BUB3: variants seen among roughly 807,000 people sequenced by gnomAD.
The protein encoded by BUB3 is mitotic checkpoint protein BUB3.
In BUB3, 22 loss-of-function variants were observed where a neutral mutation model predicts 39.9. The ratio of observed to expected loss-of-function variants is 0.55; its 90% confidence interval spans 0.39 to 0.79. The LOEUF (loss-of-function observed/expected upper bound fraction) is 0.79, where lower values mean the gene tolerates loss of function less well. BUB3 is among the 30% of genes least tolerant of loss of function. The pLI, the probability that BUB3 is intolerant of heterozygous loss-of-function variation, is 0.00. For synonymous variants in BUB3, 168 were observed against 155.1 expected (o/e 1.08, Z -0.62); for missense variants, 303 against 415.4 (o/e 0.73, Z 2.35).
In BUB3 at chr10:123,166,617, T is replaced by C; in HGVS notation, c.*2782T>C. The C allele has an allele frequency of 6.6e-6, 1 of 152,244 alleles. No individual in the cohort carries two copies. Among genetic ancestry groups the C allele is most frequent in the Non-Finnish European group, 1.5e-5 (1 of 68,040 alleles). The allele number at this position is 152,244 out of a possible 1,614,324, so 9.4% of individuals were successfully genotyped here. ...ATGTATTCTGATGTCATACTTGGAA[T>C]CCTCCACTGCTTCCTGTTGCTCATA... On this transcript the variant is annotated 3_prime_UTR_variant, in exon 8 of 8. Transcript: ENST00000368865.
rs549543007 is a variant in BUB3 at position 123,164,839 on chromosome 10, T to C, written c.*1004T>C. 3 of 1,353,490 alleles carry C rather than the reference T, an allele frequency of 2.2e-6. No homozygotes were observed. The highest frequency in any genetic ancestry group is 2.8e-6 in the Non-Finnish European group (3 of 1,055,146). The allele number at this position is 1,353,490 out of a possible 1,614,324, so 83.8% of individuals were successfully genotyped here. Reference sequence around the variant, plus strand: ...CTATTCTAGGTAGTTCCAAATAGTATTTTTGTTGTCAAACTTTAAAATTTA... The same window carrying C: ...CTATTCTAGGTAGTTCCAAATAGTACTTTTGTTGTCAAACTTTAAAATTTA... On this transcript the variant is annotated 3_prime_UTR_variant, in exon 8 of 8. Transcript: ENST00000368865.
chr10:123,155,763 G>A (rs756819716), intron 3 of BUB3, 36 bp downstream of exon 3: 1 of 1,589,876 alleles, frequency 6.3e-7, no homozygotes, highest in South Asian at 1.1e-5. Context: ...TTGTTTTCTT[G>A]GCTAGTGTTC....
Position 123,155,743 on chromosome 10 carries a change from C to T in BUB3, c.265+16C>T. On this transcript the variant is annotated intron_variant, in intron 3 of 7. Transcript: ENST00000368865. Reference sequence around the variant, plus strand: ...ACTGATCAAGGTAATGTGACCATATCTTTACCAGTTTGTTTTCTTGGCTAG... The same window carrying T: ...ACTGATCAAGGTAATGTGACCATATTTTTACCAGTTTGTTTTCTTGGCTAG... 6.2e-7 allele frequency: 1 copy of T among 1,611,284 alleles called. No individual in the cohort carries two copies. The highest frequency in any genetic ancestry group is 1.1e-5 in the South Asian group (1 of 91,020).
intron 7 of BUB3, 75 bp from the exon 8 acceptor site, chr10:123,163,745 C>G: frequency 7.4e-7 from 1 of 1,350,634 alleles, no homozygotes; most frequent in Non-Finnish European, 1.0e-6. Flanking sequence ...TGCATTTAAT[C>G]TGTCACTTTT....
intron 4 of BUB3, among the ~76,000 whole-genome samples, chr10:123,158,183 G>A (rs1844374513): frequency 6.6e-6 from 1 of 152,192 alleles, no homozygotes; most frequent in African/African-American, 2.4e-5. Flanking sequence ...TCATTTAGCA[G>A]ACTGTTCGAT....
Position 123,165,158 on chromosome 10 carries a change from G to T in BUB3, c.*1323G>T. On this transcript the variant is annotated 3_prime_UTR_variant, in exon 8 of 8. Coordinates refer to ENST00000368865, the MANE Select transcript of BUB3 (RefSeq NM_004725.4). ...TGTTAGAGTTACTGTGGATTTCTCTGTTTTCTGTCTTACAAGAAACTTGTC... is the reference window on the plus strand; with the variant it reads ...TGTTAGAGTTACTGTGGATTTCTCTTTTTTCTGTCTTACAAGAAACTTGTC... 7.1e-7 allele frequency: 1 copy of T among 1,403,324 alleles called. No homozygotes were observed. The highest frequency in any genetic ancestry group is 1.8e-5 in the Admixed American group (1 of 55,316). The allele number at this position is 1,403,324 out of a possible 1,614,324, so 86.9% of individuals were successfully genotyped here. A position where few individuals can be genotyped will look rare whatever the true frequency, so the allele number is the denominator to read the frequency against.
Position 123,164,800 on chromosome 10 carries a change from G to A in BUB3, c.*965G>A, listed in dbSNP as rs570294326. The A allele has an allele frequency of 1.1e-5, 14 of 1,255,378 alleles. No individual in the cohort carries two copies. The highest frequency in any genetic ancestry group is 1.4e-5 in the Non-Finnish European group (14 of 998,162). The allele number at this position is 1,255,378 out of a possible 1,614,324, so 77.8% of individuals were successfully genotyped here. On this transcript the variant is annotated 3_prime_UTR_variant, in exon 8 of 8. Transcript: ENST00000368865. ...AATGTAATGCACTAAAGCAGAACAC[G>A]AACTTAGCTTGGCCTATTCTAGGTA...
chr10:123,160,075 A>T (rs1298563846), intron 4 of BUB3, among the ~76,000 whole-genome samples: 1 of 152,108 alleles, frequency 6.6e-6, no homozygotes, highest in Non-Finnish European at 1.5e-5. Context: ...TTACACTTTT[A>T]TGTTGTCTCT....
intron 5 of BUB3, among the ~76,000 whole-genome samples, chr10:123,160,803 A>G (rs1844411915): frequency 6.6e-6 from 1 of 152,144 alleles, no homozygotes; most frequent in Non-Finnish European, 1.5e-5. Context: ...CTGCTCAGGA[A>G]GTGGTTTGAA....
At chr10:123,160,810 T>G (rs985885918) in intron 5 of BUB3, among the ~76,000 whole-genome samples, 3 of 152,158 alleles carry the variant, frequency 2.0e-5, no homozygotes, top group Non-Finnish European at 4.4e-5. Context: ...GGAAGTGGTT[T>G]GAATAGAGGA....
rs539653109 is a variant in BUB3, at chr10:123,156,321, G to A, written c.265+594G>A. Among the ~76,000 whole-genome samples, 4 of 152,264 alleles carry A rather than the reference G, an allele frequency of 2.6e-5. No homozygotes were observed. The South Asian group carries it at 8.3e-4, about 32-fold the overall frequency. ...GACATTGGCACAGTGTTAGAGATTG[G>A]ACTGGAGCCCAAATGCATAGAGCTC... is the stretch of plus-strand genomic sequence containing the variant. On this transcript the variant is annotated intron_variant, in intron 3 of 7. Coordinates refer to ENST00000368865, the MANE Select transcript of BUB3 (RefSeq NM_004725.4).
At chr10:123,155,789 T>G in intron 3 of BUB3, 62 bp downstream of exon 3, 1 of 1,509,516 alleles carries the variant, frequency 6.6e-7, no homozygotes, top group African/African-American at 1.4e-5. Context: ...TATAAATGTT[T>G]ATGTAGGAAG....
chr10:123,160,694 G>A, intron 5 of BUB3, 129 bp downstream of exon 5: 6 of 890,864 alleles, frequency 6.7e-6, no homozygotes, highest in Non-Finnish European at 9.4e-6. Context: ...TTGCTGTTAG[G>A]TGTATTCTTC....
Position 123,157,812 on chromosome 10 carries a change from G to A in BUB3, c.349G>A (p.Asp117Asn). The change falls in exon 4 of 8, where the codon GAT becomes AAT. Residue 117 changes from aspartate (D) to asparagine (N), a missense_variant. Physicochemically the swap from Asp to Asn is conservative, Grantham distance 23 (BLOSUM62 1). Transcript: ENST00000368865. ...EVNVMVTGSW[D>N]QTVKLWDPRT... ...GAATGTGATGGTCACTGGAAGTTGGGATCAGACAGTTAAACTGTGGGATCC... is the reference window on the plus strand; with the variant it reads ...GAATGTGATGGTCACTGGAAGTTGGAATCAGACAGTTAAACTGTGGGATCC... 6.2e-7 allele frequency: 1 copy of A among 1,614,094 alleles called. No homozygotes were observed. Among genetic ancestry groups the A allele is most frequent in the East Asian group, 2.2e-5 (1 of 44,872 alleles).
chr10:123,157,947 G>A, intron 4 of BUB3, 67 bp downstream of exon 4: 1 of 1,449,928 alleles, frequency 6.9e-7, no homozygotes. Context: ...GTGCATGATT[G>A]TTGACTATGC....
At chr10:123,158,456 G>A (rs1844378277) in intron 4 of BUB3, among the ~76,000 whole-genome samples, 1 of 152,152 alleles carries the variant, frequency 6.6e-6, no homozygotes, top group African/African-American at 2.4e-5. Context: ...CTAACCTTTT[G>A]ATCTGTATGA....
rs1401474617 is a variant in BUB3, at chr10:123,167,669, A to T, written c.*3834A>T. 1 of 152,214 alleles carries T rather than the reference A, an allele frequency of 6.6e-6. No homozygotes were observed. Among genetic ancestry groups the T allele is most frequent in the Non-Finnish European group, 1.5e-5 (1 of 68,044 alleles). The allele number at this position is 152,214 out of a possible 1,614,324, so 9.4% of individuals were successfully genotyped here. On this transcript the variant is annotated 3_prime_UTR_variant, in exon 8 of 8. Coordinates refer to ENST00000368865, the MANE Select transcript of BUB3 (RefSeq NM_004725.4). Reference sequence around the variant, plus strand: ...TGACCTTTGGCTTTGTTCATTAAGCATTTAGTGTCTTAGAAGTGATATGTT... The same window carrying T: ...TGACCTTTGGCTTTGTTCATTAAGCTTTTAGTGTCTTAGAAGTGATATGTT...
intron 6 of BUB3, 68 bp from the exon 7 acceptor site, chr10:123,162,544 G>A (rs1844438440): frequency 8.4e-6 from 13 of 1,556,632 alleles, no homozygotes; most frequent in Non-Finnish European, 1.1e-5. Context: ...AAAATTAACT[G>A]TTAAGAGAAT....
chr10:123,165,089 CTT>C lies in BUB3; in HGVS notation c.*1256_*1257del. On this transcript the variant is annotated 3_prime_UTR_variant, in exon 8 of 8. Coordinates refer to ENST00000368865, the MANE Select transcript of BUB3 (RefSeq NM_004725.4). Reference sequence around the variant, plus strand: ...GTGAAAGTGGTTTCTCTATGGAAAGCTTTGTTTGCTTCCTACAAATACATGCT... The same window carrying C: ...GTGAAAGTGGTTTCTCTATGGAAAGCTGTTTGCTTCCTACAAATACATGCT... 1 of 1,596,524 alleles carries C rather than the reference CTT, an allele frequency of 6.3e-7. No homozygotes were observed. Among genetic ancestry groups the C allele is most frequent in the Non-Finnish European group, 8.6e-7 (1 of 1,166,266 alleles).
Sources: gnomAD v4.1 joint callset for allele counts (sites outside exome capture counted in the v4.1 genomes callset) on GRCh38, gnomAD v4.1.1 for gene constraint, MANE v1.5 for transcripts, NCBI Gene and HGNC (gene_info 2026-07-23, HGNC 2026-07-21) for gene names.